ACSS1: variants seen among roughly 807,000 people sequenced by gnomAD.
The protein encoded by ACSS1 is acyl-CoA synthetase short chain family member 1.
A neutral mutation model predicts 75.3 loss-of-function variants in ACSS1; 42 were observed. The observed-to-expected ratio is 0.56, with a 90% CI of 0.44 to 0.72. The LOEUF (loss-of-function observed/expected upper bound fraction) is 0.72, where lower values mean the gene tolerates loss of function less well. Ranked by LOEUF, ACSS1 falls within the 30% of genes least tolerant of loss-of-function variation. The pLI is 0.00. For missense variants in ACSS1, 782 were observed against 935.7 expected (o/e 0.84, Z 2.14); for synonymous variants, 380 against 376.8 (o/e 1.01, Z -0.10).
chr20:25,039,634 A>C (rs1440765320), intron 2 of ACSS1, among the ~76,000 whole-genome samples: 2 of 152,198 alleles, frequency 1.3e-5, no homozygotes, highest in African/African-American at 4.8e-5. Context: ...TGCCCAGGGC[A>C]TGCCTCCCCA....
chr20:25,054,295 A>G (rs999098469), intron 1 of ACSS1, among the ~76,000 whole-genome samples: 15 of 152,258 alleles, frequency 9.9e-5, no homozygotes, highest in Non-Finnish European at 2.1e-4. Context: ...GATGAAGCTC[A>G]GCTCTCTCAG....
chr20:25,050,574 G>T (rs1019919809), intron 1 of ACSS1, among the ~76,000 whole-genome samples: 1 of 152,076 alleles, frequency 6.6e-6, no homozygotes, highest in Non-Finnish European at 1.5e-5. Flanking sequence ...GCCTGCCCAG[G>T]TGTAGATGAG....
chr20:25,013,892 C>T, intron 9 of ACSS1, 69 bp downstream of exon 9: 4 of 1,502,882 alleles, frequency 2.7e-6, no homozygotes, highest in Admixed American at 3.6e-5. Flanking sequence ...CAGGAGAGAG[C>T]TGGGCTGGGC....
At chr20:25,047,031 C>A (rs541700526) in intron 2 of ACSS1, among the ~76,000 whole-genome samples, 2 of 152,166 alleles carry the variant, frequency 1.3e-5, no homozygotes, top group Non-Finnish European at 2.9e-5. Flanking sequence ...CACTGGGAGC[C>A]GCAGCAGATC....
At chr20:25,056,646 T>G (rs1009981384) in intron 1 of ACSS1, among the ~76,000 whole-genome samples, 1 of 152,100 alleles carries the variant, frequency 6.6e-6, no homozygotes, top group Non-Finnish European at 1.5e-5. Flanking sequence ...ATCCTCACAA[T>G]GAGGAGACTG....
chr20:25,056,790 C>A (rs2089248546), intron 1 of ACSS1, among the ~76,000 whole-genome samples: 1 of 152,162 alleles, frequency 6.6e-6, no homozygotes, highest in Admixed American at 6.5e-5. Context: ...TTATGACCAC[C>A]CTTCTGGTCT....
chr20:25,046,751 C>T (rs1020967863), intron 2 of ACSS1: 2 of 777,226 alleles, frequency 2.6e-6, no homozygotes, highest in African/African-American at 3.4e-5. Flanking sequence ...GTCTTCAGAG[C>T]CAAGCACACT....
rs774364460 is a variant in ACSS1 at position 25,057,904 on chromosome 20, G to A, written c.199C>T (p.Arg67Trp). The A allele has an allele frequency of 1.2e-6, 2 of 1,612,128 alleles. No individual in the cohort carries two copies. The highest frequency in any genetic ancestry group is 2.2e-5 in the South Asian group (2 of 90,972). Residue 67 changes from arginine (R) to tryptophan (W), a missense_variant, in exon 1 of 14, where the codon CGG becomes TGG. By Grantham distance (101) the Arg-to-Trp change is moderately radical (BLOSUM62 -3). This residue lies in a region of ACSS1 where 377 missense variants were observed against 383.1 expected (regional missense o/e 0.98). Coordinates refer to ENST00000323482, the MANE Select transcript of ACSS1 (RefSeq NM_032501.4). ...GGCCCCCAGAAGGCGGCCGGCTCCC[G>A]GGCTGCCTGTGCACTCAGCGCGGGA... ...SYPALSAQAAREPAAFWGPLA... is the reference protein window; with the variant it reads ...SYPALSAQAAWEPAAFWGPLA...
chr20:25,050,283 CAG>C (rs1191039929), intron 1 of ACSS1, among the ~76,000 whole-genome samples: 1 of 152,118 alleles, frequency 6.6e-6, no homozygotes, highest in Non-Finnish European at 1.5e-5. Context: ...CATCCCTACA[CAG>C]AGAGTCCTAC....
At chr20:25,033,316 T>C (rs1394583398) in intron 2 of ACSS1, among the ~76,000 whole-genome samples, 1 of 152,248 alleles carries the variant, frequency 6.6e-6, no homozygotes, top group Non-Finnish European at 1.5e-5. Context: ...GAAAGGACAC[T>C]GGACTGTCCC....
At chr20:25,040,201 C>T (rs1259689825) in intron 2 of ACSS1, among the ~76,000 whole-genome samples, 1 of 152,230 alleles carries the variant, frequency 6.6e-6, no homozygotes, top group Non-Finnish European at 1.5e-5. Flanking sequence ...AGTTTGCACA[C>T]CCCACATGCC....
intron 2 of ACSS1, among the ~76,000 whole-genome samples, chr20:25,033,282 C>G (rs894611855): frequency 6.6e-6 from 1 of 152,194 alleles, no homozygotes; most frequent in African/African-American, 2.4e-5. Context: ...GTTCTGCAGA[C>G]GGAGGGCAGC....
At chr20:25,052,611 C>T (rs1042198993) in intron 1 of ACSS1, among the ~76,000 whole-genome samples, 1 of 152,268 alleles carries the variant, frequency 6.6e-6, no homozygotes, top group African/African-American at 2.4e-5. Flanking sequence ...TTCATCTCCT[C>T]ATTAGAATGT....
At chr20:25,038,279 C>T (rs1056922026) in intron 2 of ACSS1, among the ~76,000 whole-genome samples, 5 of 152,172 alleles carry the variant, frequency 3.3e-5, no homozygotes, top group South Asian at 2.1e-4. Context: ...TCACGGGAGG[C>T]CAAACAATGA....
At chr20:25,057,233 C>A (rs2089254873) in intron 1 of ACSS1, among the ~76,000 whole-genome samples, 1 of 152,218 alleles carries the variant, frequency 6.6e-6, no homozygotes, top group Non-Finnish European at 1.5e-5. Flanking sequence ...GCTGCCACGC[C>A]GAGTTTCCTC....
chr20:25,023,536 T>C lies in ACSS1; in HGVS notation c.737A>G (p.Gln246Arg). 1.2e-6 allele frequency: 2 copies of C among 1,614,164 alleles called. No homozygotes were observed. Among genetic ancestry groups the C allele is most frequent in the Middle Eastern group, 1.6e-4 (1 of 6,062 alleles). Residue 246 changes from glutamine (Q) to arginine (R), a missense_variant, in exon 4 of 14, where the codon CAG becomes CGG. Coordinates refer to ENST00000323482, the MANE Select transcript of ACSS1 (RefSeq NM_032501.4). ...DEAVKHCPTV[Q>R]HVLVAHRTDN... ...TGTCCTGTGAGCCACCAGGACATGCTGCACGGTGGGGCAGTGCTTCACAGC... is the reference window on the plus strand; with the variant it reads ...TGTCCTGTGAGCCACCAGGACATGCCGCACGGTGGGGCAGTGCTTCACAGC...
chr20:25,046,888 G>T, intron 2 of ACSS1: 1 of 779,680 alleles, frequency 1.3e-6, no homozygotes, highest in East Asian at 2.4e-5. Context: ...GATAAGAAAT[G>T]CGTGCTGTAT....
intron 1 of ACSS1, among the ~76,000 whole-genome samples, chr20:25,051,508 C>T (rs987589071): frequency 6.6e-6 from 1 of 152,178 alleles, no homozygotes; most frequent in South Asian, 2.1e-4. Context: ...CAGAAGTCCC[C>T]AGAGGACGTG....
Position 25,030,712 on chromosome 20 carries a change from G to A in ACSS1, c.631+47C>T, listed in dbSNP as rs769843881. ...TGATGGCCAGGCCCCCAGGAACAAG[G>A]ATCAGGGAACTCCAGGGTTCCTCCC... On this transcript the variant is annotated intron_variant, in intron 3 of 13. Transcript: ENST00000323482. The A allele has an allele frequency of 7.5e-6, 12 of 1,605,092 alleles. No individual in the cohort carries two copies. In the South Asian group the frequency reaches 7.7e-5, roughly 10 times the overall value.
Sources: allele counts gnomAD v4.1 joint callset (sites outside exome capture counted in the v4.1 genomes callset), GRCh38; gene constraint gnomAD v4.1.1; regional missense constraint gnomAD v4.1.1; transcripts MANE v1.5; gene names NCBI Gene and HGNC (gene_info 2026-07-23, HGNC 2026-07-21).